Variants in AP2A2 observed in about 807,000 individuals in gnomAD.
The protein encoded by AP2A2 is AP-2 complex subunit alpha-2.
A neutral mutation model predicts 104.2 loss-of-function variants in AP2A2; 32 were observed. The observed-to-expected ratio is 0.31, with a 90% CI of 0.23 to 0.41. The LOEUF (loss-of-function observed/expected upper bound fraction) is 0.41. Among genes scored for constraint, AP2A2 ranks in the 10% least tolerant of loss-of-function variants. AP2A2 has a pLI of 1.00. For synonymous variants in AP2A2, 539 were observed against 533.3 expected (o/e 1.01, Z -0.15); for missense variants, 912 against 1,261.0 (o/e 0.72, Z 4.19).
chr11:980,651 C>T (rs992752682), intron 5 of AP2A2, among the ~76,000 whole-genome samples: 15 of 152,218 alleles, frequency 9.9e-5, no homozygotes, highest in African/African-American at 3.4e-4. Context: ...GGAGGACTCG[C>T]GTGCTGGGCC....
At chr11:961,004 A>G (rs1013512382) in intron 2 of AP2A2, among the ~76,000 whole-genome samples, 2 of 152,264 alleles carry the variant, frequency 1.3e-5, no homozygotes, top group African/African-American at 2.4e-5. Flanking sequence ...AGTGATCTCA[A>G]GTTGGGTTCT....
chr11:954,648 G>A (rs1007855770), intron 1 of AP2A2, among the ~76,000 whole-genome samples: 5 of 152,006 alleles, frequency 3.3e-5, no homozygotes, highest in Non-Finnish European at 5.9e-5. Flanking sequence ...GTGTATTTGT[G>A]TGTATATATG....
At chr11:933,484 G>A in intron 1 of AP2A2, 1 of 454,488 alleles carries the variant, frequency 2.2e-6, no homozygotes, top group Non-Finnish European at 4.4e-6. Context: ...GGTGGGATAG[G>A]TTGAGGTGGG....
intron 1 of AP2A2, among the ~76,000 whole-genome samples, chr11:952,683 G>A (rs1439139920): frequency 6.6e-6 from 1 of 152,294 alleles, no homozygotes; most frequent in African/African-American, 2.4e-5. Flanking sequence ...GGCTGGGCTT[G>A]TTGCTGTGGG....
intron 18 of AP2A2, chr11:1,008,752 A>G (rs868169553): frequency 3.1e-5 from 11 of 356,858 alleles, no homozygotes; most frequent in South Asian, 5.3e-5. Flanking sequence ...TCGGGGACAT[A>G]GACATGCAAG....
At chr11:999,614 G>T (rs1855962557) in intron 14 of AP2A2, among the ~76,000 whole-genome samples, 1 of 151,364 alleles carries the variant, frequency 6.6e-6, no homozygotes, top group Admixed American at 6.6e-5. Context: ...CAGGTGTGGG[G>T]CACCATGCCC....
Position 989,703 on chromosome 11 carries a change from C to A in AP2A2, c.1269+1014C>A, listed in dbSNP as rs1425866777. Among the ~76,000 whole-genome samples, 4 of 152,312 alleles carry A rather than the reference C, an allele frequency of 2.6e-5. No homozygotes were observed. The East Asian group carries it at 7.7e-4, about 29-fold the overall frequency. ...TGAACCAAAACCTGAGGGAAGAAAC[C>A]CTTGTGGAGGCCACATGGTCAGCAG... On this transcript the variant is annotated intron_variant, in intron 10 of 21. Transcript: ENST00000448903.
At chr11:978,198 C>T (rs1308753433) in intron 5 of AP2A2, among the ~76,000 whole-genome samples, 1 of 152,154 alleles carries the variant, frequency 6.6e-6, no homozygotes, top group Non-Finnish European at 1.5e-5. Flanking sequence ...AGGCCCCGGG[C>T]TCCTGCTGCA....
Position 993,890 on chromosome 11 carries a change from C to T in AP2A2, c.1687C>T (p.Arg563Cys), listed in dbSNP as rs1855751283. The T allele has an allele frequency of 1.1e-5, 17 of 1,610,680 alleles. No individual in the cohort carries two copies. Among genetic ancestry groups the T allele is most frequent in the East Asian group, 2.2e-5 (1 of 44,848 alleles). ...EVKPTIQDVL[R>C]SDSQLRNADV... is the part of the protein sequence containing the mutation. ...GAAGCCCACCATCCAGGACGTGCTG[C>T]GCAGCGACAGCCAGCTCAGGAACGC... Residue 563 changes from arginine (R) to cysteine (C), a missense_variant, in exon 13 of 22, where the codon CGC becomes TGC. Physicochemically the swap from Arg to Cys is radical, Grantham distance 180. Around this residue, in one of 7 missense-constraint regions of AP2A2, gnomAD observed 137 missense variants for 186.9 expected, o/e 0.73. Coordinates refer to ENST00000448903, the MANE Select transcript of AP2A2 (RefSeq NM_012305.4). This position sits in a 1 kb window ranked among gnomAD's most constrained non-coding sequence, Gnocchi z 8.2.
intron 1 of AP2A2, among the ~76,000 whole-genome samples, chr11:942,818 C>T (rs371527581): frequency 1.9e-3 from 288 of 152,264 alleles, no homozygotes; most frequent in African/African-American, 6.2e-3. Flanking sequence ...GACCTCTCTG[C>T]GGAAGTGACA....
chr11:935,490 CAGA>C (rs1349701924), intron 1 of AP2A2, among the ~76,000 whole-genome samples: 20 of 151,692 alleles, frequency 1.3e-4, no homozygotes, highest in Admixed American at 1.2e-3. Flanking sequence ...TTAGTAGAGA[CAGA>C]GTTTCGCCGT....
intron 14 of AP2A2, among the ~76,000 whole-genome samples, chr11:995,075 C>T (rs531791075): frequency 1.1e-4 from 16 of 152,354 alleles, no homozygotes; most frequent in African/African-American, 3.8e-4. Context: ...CTGGGCAAGG[C>T]ACTTCCTTCA....
At chr11:996,809 T>C (rs1367888513) in intron 14 of AP2A2, among the ~76,000 whole-genome samples, 1 of 148,350 alleles carries the variant, frequency 6.7e-6, no homozygotes, top group East Asian at 1.9e-4. Context: ...GGGAGGTGTC[T>C]GTGGCCGAGG....
chr11:938,568 G>T (rs1269738253), intron 1 of AP2A2, among the ~76,000 whole-genome samples: 2 of 150,778 alleles, frequency 1.3e-5, no homozygotes, highest in African/African-American at 4.9e-5. Context: ...TCTGCCTCCC[G>T]GGTTCACGCC....
chr11:940,746 G>A (rs914264884), intron 1 of AP2A2: 1 of 451,284 alleles, frequency 2.2e-6, no homozygotes, highest in African/African-American at 2.0e-5. Flanking sequence ...CTTTGTGCTT[G>A]GTGGCTGGTG....
intron 4 of AP2A2, among the ~76,000 whole-genome samples, chr11:976,158 G>T (rs1855027620): frequency 6.6e-6 from 1 of 152,220 alleles, no homozygotes; most frequent in Non-Finnish European, 1.5e-5. Flanking sequence ...GCATGGCAGG[G>T]TGTGTGTGCG....
intron 1 of AP2A2, among the ~76,000 whole-genome samples, chr11:935,602 A>ATTTTTTTTTTTTT (rs1589942821): frequency 2.5e-5 from 1 of 40,658 alleles, no homozygotes; most frequent in African/African-American, 9.1e-5. Flanking sequence ...GTGCCCGGCC[A>ATTTTTTTTTTTTT]GTTTTTTTTT....
chr11:959,081 A>G (rs1052322777), intron 1 of AP2A2, among the ~76,000 whole-genome samples: 2 of 152,262 alleles, frequency 1.3e-5, no homozygotes, highest in Non-Finnish European at 2.9e-5. Context: ...ACGATTTATC[A>G]TGGCAAACAT....
intron 1 of AP2A2, among the ~76,000 whole-genome samples, chr11:934,420 C>G (rs1394726235): frequency 2.0e-5 from 3 of 152,168 alleles, no homozygotes; most frequent in Non-Finnish European, 4.4e-5. Context: ...GCCACTGCGC[C>G]CAGCCCTTTC....
Sources: gnomAD v4.1 joint callset for allele counts (sites outside exome capture counted in the v4.1 genomes callset) on GRCh38, gnomAD v4.1.1 for gene constraint, gnomAD v4.1.1 regional missense constraint, Gnocchi (gnomAD v3.1) non-coding constraint, MANE v1.5 for transcripts, NCBI Gene and HGNC (gene_info 2026-07-23, HGNC 2026-07-21) for gene names.